RBFOX1: variants seen among roughly 807,000 people sequenced by gnomAD.
RBFOX1 encodes RNA binding fox-1 homolog 1.
A neutral mutation model predicts 57.7 loss-of-function variants in RBFOX1; 8 were observed. The observed-to-expected ratio is 0.14, with a 90% CI of 0.08 to 0.25. RBFOX1 has a LOEUF of 0.25. Among genes scored for constraint, RBFOX1 ranks in the 10% least tolerant of loss-of-function variants. The pLI, the probability that RBFOX1 is intolerant of heterozygous loss-of-function variation, is 1.00. For synonymous variants in RBFOX1, 326 were observed against 222.4 expected (o/e 1.47, Z -4.15); for missense variants, 611 against 548.5 (o/e 1.11, Z -1.14).
chr16:7,579,804 G>C lies in RBFOX1; in HGVS notation c.298G>C (p.Gly100Arg). 6.2e-7 allele frequency: 1 copy of C among 1,614,048 alleles called. No individual in the cohort carries two copies. Reference sequence around the variant, plus strand: ...GACAGATGACGCAGCACCGACGGATGGCCAGCCCCAGACACAACCTTCTGA... The same window carrying C: ...GACAGATGACGCAGCACCGACGGATCGCCAGCCCCAGACACAACCTTCTGA... Reference protein sequence around the residue: ...TQTDDAAPTDGQPQTQPSENT... With the variant: ...TQTDDAAPTDRQPQTQPSENT... The change falls in exon 6 of 16, where the codon GGC becomes CGC. Residue 100 changes from glycine to arginine, a missense_variant. Around this residue, in one of 3 missense-constraint regions of RBFOX1, gnomAD observed 245 missense variants for 159.1 expected, o/e 1.54. Transcript: ENST00000550418.
chr16:6,820,457 C>A (rs12933585), intron 3 of RBFOX1, among the ~76,000 whole-genome samples: 1 of 151,880 alleles, frequency 6.6e-6, no homozygotes, highest in Non-Finnish European at 1.5e-5. Flanking sequence ...AGGAGTTCGA[C>A]ACCAGCATGG....
chr16:6,475,667 G>A (rs546847452), intron 2 of RBFOX1, among the ~76,000 whole-genome samples: 2 of 152,246 alleles, frequency 1.3e-5, no homozygotes, highest in South Asian at 2.1e-4. Context: ...TAGGTGTCAG[G>A]ACAAAGAAAA....
chr16:7,688,136 G>C (rs185554427), intron 14 of RBFOX1, among the ~76,000 whole-genome samples: 64 of 151,910 alleles, frequency 4.2e-4, no homozygotes, highest in African/African-American at 1.4e-3. Flanking sequence ...TGCTATCCTG[G>C]GGCATCTTGG....
chr16:6,778,847 A>C (rs150310275), intron 3 of RBFOX1, among the ~76,000 whole-genome samples: 3 of 151,094 alleles, frequency 2.0e-5, no homozygotes, highest in African/African-American at 4.9e-5. Flanking sequence ...TTGAATACAC[A>C]TACACCACAC....
At position 5,947,470 on chromosome 16, in the gene RBFOX1, C is replaced by A. The variant is rs531418720; in HGVS notation, c.351+80135C>A. On this transcript the variant is annotated intron_variant, in intron 4 of 19. Transcript: ENST00000641259. This position sits in a 1 kb window ranked among gnomAD's most constrained non-coding sequence, Gnocchi z 7.2. ...ACAGCCTCGAAATCTTGTGCTCAAG[C>A]CATTTTCCTGCCTCTGCCAGTTTTT... Among the ~76,000 whole-genome samples the A allele has an allele frequency of 6.6e-6, 1 of 152,214 alleles. No individual in the cohort carries two copies. Among genetic ancestry groups the A allele is most frequent in the African/African-American group, 2.4e-5 (1 of 41,526 alleles).
intron 4 of RBFOX1, among the ~76,000 whole-genome samples, chr16:5,868,998 A>T (rs945914892): frequency 6.6e-6 from 1 of 152,190 alleles, no homozygotes; most frequent in Non-Finnish European, 1.5e-5. Context: ...TGTATAGGCT[A>T]TGATGATCCC....
intron 4 of RBFOX1, among the ~76,000 whole-genome samples, chr16:7,236,890 G>T (rs1166766644): frequency 1.3e-5 from 2 of 152,120 alleles, no homozygotes; most frequent in Non-Finnish European, 2.9e-5. Context: ...TAGAATGGCT[G>T]TTGTTGGGAG....
chr16:7,428,541 T>TATG (rs2098646418), intron 4 of RBFOX1, among the ~76,000 whole-genome samples: 2 of 147,466 alleles, frequency 1.4e-5, no homozygotes, highest in South Asian at 4.3e-4. Flanking sequence ...TTATTATTAT[T>TATG]TGTAGTTTTA....
chr16:6,300,055 T>G (rs188208986), intron 1 of RBFOX1, among the ~76,000 whole-genome samples: 1 of 152,292 alleles, frequency 6.6e-6, no homozygotes, highest in African/African-American at 2.4e-5. Flanking sequence ...TGGTTGAACC[T>G]GGAGGTCATT....
At chr16:7,537,728 T>C (rs901245010) in intron 5 of RBFOX1, among the ~76,000 whole-genome samples, 4 of 152,274 alleles carry the variant, frequency 2.6e-5, no homozygotes, top group African/African-American at 9.6e-5. Flanking sequence ...ATCTCAGGAA[T>C]AGTGTTTGGA....
intron 3 of RBFOX1, among the ~76,000 whole-genome samples, chr16:6,999,320 G>C (rs1266170188): frequency 6.6e-6 from 1 of 150,692 alleles, no homozygotes; most frequent in East Asian, 2.0e-4. Flanking sequence ...GCCTCCAAAA[G>C]TGATGGGATG....
intron 4 of RBFOX1, among the ~76,000 whole-genome samples, chr16:7,475,521 A>G (rs1234409012): frequency 6.6e-6 from 1 of 152,036 alleles, no homozygotes; most frequent in African/African-American, 2.4e-5. Flanking sequence ...TCACCGTGTT[A>G]GGCATGATAG....
intron 3 of RBFOX1, among the ~76,000 whole-genome samples, chr16:6,844,624 G>T (rs576030160): frequency 5.9e-5 from 9 of 151,860 alleles, no homozygotes; most frequent in African/African-American, 2.2e-4. Context: ...CTTTGCTATC[G>T]TGAATAGTGC....
At chr16:5,934,843 C>T (rs531394276) in intron 4 of RBFOX1, among the ~76,000 whole-genome samples, 5 of 152,140 alleles carry the variant, frequency 3.3e-5, no homozygotes, top group Admixed American at 6.5e-5. Flanking sequence ...GGCAGGGGAC[C>T]GGGCCACTCA....
intron 1 of RBFOX1, among the ~76,000 whole-genome samples, chr16:6,289,550 C>G (rs947645975): frequency 1.3e-5 from 2 of 152,114 alleles, no homozygotes; most frequent in Non-Finnish European, 2.9e-5. Flanking sequence ...TTGGTAATAG[C>G]TGGAAGACTG....
intron 3 of RBFOX1, among the ~76,000 whole-genome samples, chr16:6,814,495 A>C (rs1439385303): frequency 1.3e-5 from 2 of 152,178 alleles, no homozygotes; most frequent in African/African-American, 4.8e-5. Flanking sequence ...CTTAGAGTCT[A>C]GTGGGAGACA....
At chr16:7,021,803 G>C (rs2039209599) in intron 3 of RBFOX1, among the ~76,000 whole-genome samples, 1 of 150,936 alleles carries the variant, frequency 6.6e-6, no homozygotes. Flanking sequence ...TGCTTGAAAA[G>C]CCTTTATAGA....
At chr16:5,292,780 C>A (rs1340168792) in intron 1 of RBFOX1, among the ~76,000 whole-genome samples, 1 of 151,966 alleles carries the variant, frequency 6.6e-6, no homozygotes, top group East Asian at 2.0e-4. Flanking sequence ...TGTGTCACCA[C>A]GCCCGGCTAA....
intron 1 of RBFOX1, among the ~76,000 whole-genome samples, chr16:5,320,057 C>A (rs1448707212): frequency 6.6e-6 from 1 of 152,148 alleles, no homozygotes; most frequent in South Asian, 2.1e-4. Flanking sequence ...GGAGGTAAAG[C>A]AAGTGGGGTT....
Sources: gnomAD v4.1 joint callset for allele counts (sites outside exome capture counted in the v4.1 genomes callset) on GRCh38, gnomAD v4.1.1 for gene constraint, gnomAD v4.1.1 regional missense constraint, Gnocchi (gnomAD v3.1) non-coding constraint, MANE v1.5 for transcripts, NCBI Gene and HGNC (gene_info 2026-07-23, HGNC 2026-07-21) for gene names.